The following DLGAP1 variants were observed in gnomAD, a reference collection of about 807,000 sequenced individuals.
DLGAP1 encodes disks large-associated protein 1.
A neutral mutation model predicts 90.8 loss-of-function variants in DLGAP1; 11 were observed. The observed-to-expected ratio is 0.12, with a 90% confidence interval of 0.08 to 0.20. The LOEUF (loss-of-function observed/expected upper bound fraction) is 0.20. DLGAP1 is among the 10% of genes least tolerant of loss of function. The pLI is 1.00. For missense variants in DLGAP1, 1,050 were observed against 1,333.8 expected (o/e 0.79, Z 3.31); for synonymous variants, 558 against 540.7 (o/e 1.03, Z -0.44).
rs551385153 is a variant in DLGAP1, at chr18:3,844,325, T to C, written c.958-30052A>G. Among the ~76,000 whole-genome samples the C allele has an allele frequency of 2.5e-4, 38 of 152,362 alleles. 1 individual carries two copies. Among genetic ancestry groups the C allele is most frequent in the Admixed American group, 1.6e-3 (25 of 15,302 alleles). Reference sequence around the variant, plus strand: ...ACATAAATCTTAGTTATAATTTCCATTTTTGTCATTTTGCTAGAAAAGAAA... The same window carrying C: ...ACATAAATCTTAGTTATAATTTCCACTTTTGTCATTTTGCTAGAAAAGAAA... On this transcript the variant is annotated intron_variant, in intron 4 of 12. Coordinates refer to ENST00000315677, the MANE Select transcript of DLGAP1 (RefSeq NM_004746.4).
intron 1 of DLGAP1, among the ~76,000 whole-genome samples, chr18:4,438,093 C>T (rs918902746): frequency 3.3e-5 from 5 of 152,096 alleles, no homozygotes; most frequent in Admixed American, 6.5e-5. Flanking sequence ...AAAACCTTAG[C>T]GCCTCCACAG....
chr18:4,427,263 A>C (rs2083178402), intron 1 of DLGAP1, among the ~76,000 whole-genome samples: 1 of 152,208 alleles, frequency 6.6e-6, no homozygotes, highest in Non-Finnish European at 1.5e-5. Context: ...AGAGCAACCT[A>C]GCAGATGGGG....
At chr18:3,840,205 TCAC>T (rs2068636834) in intron 4 of DLGAP1, among the ~76,000 whole-genome samples, 1 of 152,238 alleles carries the variant, frequency 6.6e-6, no homozygotes, top group African/African-American at 2.4e-5. Flanking sequence ...TCCCAAAATA[TCAC>T]CACTATATTC....
intron 1 of DLGAP1, among the ~76,000 whole-genome samples, chr18:4,154,610 C>T (rs2144437286): frequency 6.6e-6 from 1 of 152,186 alleles, no homozygotes. Flanking sequence ...TCATCAAATA[C>T]ATGTTTTGAA....
intron 5 of DLGAP1, among the ~76,000 whole-genome samples, chr18:3,772,843 C>G (rs1262899858): frequency 1.3e-5 from 2 of 152,082 alleles, no homozygotes; most frequent in African/African-American, 4.8e-5. Context: ...CCAGGTGATT[C>G]TTAACTGCAC....
intron 7 of DLGAP1, among the ~76,000 whole-genome samples, chr18:3,613,249 A>C (rs904374321): frequency 2.6e-5 from 4 of 152,220 alleles, no homozygotes; most frequent in African/African-American, 9.7e-5. Flanking sequence ...TTCATAAGTA[A>C]TATTAGATAT....
intron 2 of DLGAP1, among the ~76,000 whole-genome samples, chr18:4,109,612 A>C (rs2075935653): frequency 6.6e-6 from 1 of 152,006 alleles, no homozygotes; most frequent in African/African-American, 2.4e-5. Context: ...CACCAAATAT[A>C]CACCAGTGGG....
intron 1 of DLGAP1, among the ~76,000 whole-genome samples, chr18:4,368,636 T>TACACACACAC (rs55840615): frequency 2.2e-5 from 3 of 134,932 alleles, no homozygotes; most frequent in African/African-American, 2.8e-5. Context: ...CTCTCTCTCA[T>TACACACACAC]ACACACACAC....
intron 9 of DLGAP1, among the ~76,000 whole-genome samples, chr18:3,547,242 C>A (rs2053099801): frequency 7.2e-6 from 1 of 139,026 alleles, no homozygotes; most frequent in Non-Finnish European, 1.5e-5. Flanking sequence ...GCGGAGCCTG[C>A]AGCAAGCCGA....
At chr18:3,998,421 T>C (rs1280763941) in intron 3 of DLGAP1, among the ~76,000 whole-genome samples, 6 of 152,134 alleles carry the variant, frequency 3.9e-5, no homozygotes, top group Non-Finnish European at 8.8e-5. Context: ...AATTGCAGAG[T>C]TCTGATATCA....
intron 1 of DLGAP1, among the ~76,000 whole-genome samples, chr18:4,362,497 T>G (rs35235605): frequency 0.1 from 15,420 of 152,258 alleles, 808 homozygotes; most frequent in African/African-American, 0.13. Context: ...TGCTGTATGA[T>G]TCCATTAATG....
At chr18:4,126,014 G>T (rs1157205919) in intron 2 of DLGAP1, among the ~76,000 whole-genome samples, 1 of 152,156 alleles carries the variant, frequency 6.6e-6, no homozygotes, top group East Asian at 1.9e-4. Context: ...CCTAGTTCAG[G>T]CTTCCCCTTT....
Position 4,439,889 on chromosome 18 carries a change from C to T in DLGAP1, c.-267+15117G>A, listed in dbSNP as rs146197273. Reference sequence around the variant, plus strand: ...ATCTCAGCACTTTGGGAGACTGAGGCGGGCAGATCACAAGGTCAGGAGATC... The same window carrying T: ...ATCTCAGCACTTTGGGAGACTGAGGTGGGCAGATCACAAGGTCAGGAGATC... On this transcript the variant is annotated intron_variant, in intron 1 of 12. Coordinates refer to ENST00000315677, the MANE Select transcript of DLGAP1 (RefSeq NM_004746.4). 2.4e-3 allele frequency among the ~76,000 whole-genome samples: 363 copies of T among 151,874 alleles called. 2 individuals carry two copies. The highest frequency in any genetic ancestry group is 7.0e-3 in the African/African-American group (289 of 41,432).
At chr18:3,858,402 G>A (rs1299882093) in intron 4 of DLGAP1, among the ~76,000 whole-genome samples, 1 of 151,634 alleles carries the variant, frequency 6.6e-6, no homozygotes. Flanking sequence ...CTTTAACAGA[G>A]CCCTTAATCT....
chr18:4,117,994 C>G, intron 2 of DLGAP1, among the ~76,000 whole-genome samples: 1 of 151,732 alleles, frequency 6.6e-6, no homozygotes, highest in Non-Finnish European at 1.5e-5. Context: ...GCACTGCACA[C>G]AGCCTTCATG....
Position 3,723,145 on chromosome 18 carries a change from C to T in DLGAP1, c.1591+5990G>A, listed in dbSNP as rs1466064485. On this transcript the variant is annotated intron_variant, in intron 7 of 12. Transcript: ENST00000315677. ...CCAAAACATTCCTGCAGAGACTACT[C>T]TGCAGGAACTATTCAACTCTGCTTT... 3.9e-5 allele frequency among the ~76,000 whole-genome samples: 6 copies of T among 152,176 alleles called. No homozygotes were observed. In the East Asian group the frequency reaches 5.8e-4, roughly 15 times the overall value.
intron 3 of DLGAP1, among the ~76,000 whole-genome samples, chr18:3,998,660 C>T (rs1288800837): frequency 1.3e-5 from 2 of 152,056 alleles, no homozygotes; most frequent in East Asian, 1.9e-4. Flanking sequence ...GTTTCCTATT[C>T]AAATTCAAGT....
chr18:4,235,490 T>C (rs1468617373), intron 1 of DLGAP1, among the ~76,000 whole-genome samples: 3 of 152,114 alleles, frequency 2.0e-5, no homozygotes, highest in Non-Finnish European at 4.4e-5. Flanking sequence ...CATGAAATTA[T>C]CTAAGCTTTG....
chr18:3,913,353 G>T (rs1244080436), intron 3 of DLGAP1, among the ~76,000 whole-genome samples: 1 of 152,148 alleles, frequency 6.6e-6, no homozygotes, highest in African/African-American at 2.4e-5. Context: ...CTCTAAAAGT[G>T]TTATAGGATT....
Sources: gnomAD v4.1 joint callset for allele counts (sites outside exome capture counted in the v4.1 genomes callset) on GRCh38, gnomAD v4.1.1 for gene constraint, MANE v1.5 for transcripts, NCBI Gene and HGNC (gene_info 2026-07-23, HGNC 2026-07-21) for gene names.